Variants in CDH4 observed in about 807,000 individuals in gnomAD.
CDH4 encodes the protein cadherin-4.
A neutral mutation model predicts 86.0 loss-of-function variants in CDH4; 33 were observed. That is an observed-to-expected ratio of 0.38 (90% CI 0.29 to 0.51). CDH4 has a LOEUF of 0.51. CDH4 is among the 20% of genes least tolerant of loss of function. CDH4 has a pLI of 0.86. For synonymous variants in CDH4, 555 were observed against 549.4 expected (o/e 1.01, Z -0.14); for missense variants, 1,114 against 1,307.4 (o/e 0.85, Z 2.28).
intron 2 of CDH4, among the ~76,000 whole-genome samples, chr20:61,336,150 C>G (rs2084615882): frequency 6.6e-6 from 1 of 152,192 alleles, no homozygotes; most frequent in South Asian, 2.1e-4. Flanking sequence ...AGTGCCTTCT[C>G]TCCATTCCTG....
At chr20:61,432,996 G>A (rs927817222) in intron 2 of CDH4, among the ~76,000 whole-genome samples, 2 of 151,646 alleles carry the variant, frequency 1.3e-5, no homozygotes, top group East Asian at 1.9e-4. Context: ...GTGCCACCAC[G>A]CCTGGCTAAT....
At chr20:61,483,382 G>A (rs750147566) in intron 2 of CDH4, among the ~76,000 whole-genome samples, 1 of 152,160 alleles carries the variant, frequency 6.6e-6, no homozygotes, top group Non-Finnish European at 1.5e-5. Flanking sequence ...AACCATGGGA[G>A]TCATCAGTGT....
intron 2 of CDH4, among the ~76,000 whole-genome samples, chr20:61,333,152 CTAAT>C (rs1339127460): frequency 6.6e-6 from 1 of 152,114 alleles, no homozygotes; most frequent in Non-Finnish European, 1.5e-5. Context: ...TGTGGCAACT[CTAAT>C]AAAGAAAAGA....
intron 2 of CDH4, among the ~76,000 whole-genome samples, chr20:61,697,220 G>A (rs1388596810): frequency 2.0e-5 from 3 of 152,196 alleles, no homozygotes. Context: ...TGGAAAGGAT[G>A]GAAGATGCTG....
At position 61,677,691 on chromosome 20, in the gene CDH4, G is replaced by A. The variant is rs985498448; in HGVS notation, c.170-65872G>A. Among the ~76,000 whole-genome samples the A allele has an allele frequency of 5.9e-5, 9 of 151,388 alleles. 1 individual carries two copies. The highest frequency in any genetic ancestry group is 4.2e-4 in the South Asian group (2 of 4,766). On this transcript the variant is annotated intron_variant, in intron 2 of 15. Transcript: ENST00000614565. ...TGGGTGGGTGGACAGACGGACGGAC[G>A]GACAGACGGACGGATGGATGGATGA...
At chr20:61,472,827 G>C (rs1291491499) in intron 2 of CDH4, among the ~76,000 whole-genome samples, 2 of 152,010 alleles carry the variant, frequency 1.3e-5, no homozygotes, top group South Asian at 2.1e-4. Context: ...TTTTACACAG[G>C]CCTGCTTTTT....
At chr20:61,566,716 T>C (rs2145699869) in intron 2 of CDH4, among the ~76,000 whole-genome samples, 1 of 152,192 alleles carries the variant, frequency 6.6e-6, no homozygotes, top group Admixed American at 6.5e-5. Context: ...TTACCAGTCA[T>C]TGCTTGAGAG....
chr20:61,528,459 G>GGGAGGAGGGGA (rs2085928080), intron 2 of CDH4, among the ~76,000 whole-genome samples: 1 of 92,444 alleles, frequency 1.1e-5, no homozygotes. Context: ...GGTGGAGGGG[G>GGGAGGAGGGGA]AGAGGGAGGG....
intron 2 of CDH4, among the ~76,000 whole-genome samples, chr20:61,263,623 C>G (rs1279124967): frequency 6.6e-6 from 1 of 152,208 alleles, no homozygotes; most frequent in African/African-American, 2.4e-5. Flanking sequence ...GAGGAATTTA[C>G]TTAGATTACA....
rs546643694 is a variant in CDH4 at position 61,665,611 on chromosome 20, G to T, written c.170-77952G>T. Among the ~76,000 whole-genome samples the T allele has an allele frequency of 6.2e-4, 95 of 152,354 alleles. 1 individual carries two copies. Among genetic ancestry groups the T allele is most frequent in the African/African-American group, 2.2e-3 (90 of 41,596 alleles). On this transcript the variant is annotated intron_variant, in intron 2 of 15. Transcript: ENST00000614565. ...CACGTCCCAGGCGGAGGGGCCTGGA[G>T]CATCCACCAGCAGCGCTTTGTGATG...
intron 6 of CDH4, among the ~76,000 whole-genome samples, chr20:61,853,411 G>A (rs1982831916): frequency 6.6e-6 from 1 of 152,166 alleles, no homozygotes; most frequent in South Asian, 2.1e-4. Context: ...AAGCGAGAGA[G>A]GCCCGGACTC....
intron 8 of CDH4, among the ~76,000 whole-genome samples, chr20:61,907,506 T>TCGC (rs1466516212): frequency 1.8e-4 from 27 of 152,148 alleles, no homozygotes; most frequent in African/African-American, 6.3e-4. Context: ...ATGGCCTGAG[T>TCGC]CGCCCCTGCT....
chr20:61,761,423 G>A (rs1438354487), intron 3 of CDH4, among the ~76,000 whole-genome samples: 4 of 152,180 alleles, frequency 2.6e-5, no homozygotes, highest in Non-Finnish European at 5.9e-5. Flanking sequence ...TTCCCCAGAT[G>A]TTTCATTTCC....
At chr20:61,474,847 G>A (rs992336836) in intron 2 of CDH4, among the ~76,000 whole-genome samples, 11 of 152,132 alleles carry the variant, frequency 7.2e-5, no homozygotes, top group African/African-American at 2.7e-4. Flanking sequence ...TTTCTGCCTT[G>A]GATGAGATTT....
chr20:61,738,065 C>T (rs1337228759), intron 2 of CDH4, among the ~76,000 whole-genome samples: 1 of 152,184 alleles, frequency 6.6e-6, no homozygotes, highest in Admixed American at 6.5e-5. Context: ...CCTCCCCACC[C>T]TCTGGGGCCC....
At chr20:61,767,197 C>A in intron 3 of CDH4, among the ~76,000 whole-genome samples, 1 of 152,212 alleles carries the variant, frequency 6.6e-6, no homozygotes, top group Non-Finnish European at 1.5e-5. Context: ...CATGAGCATG[C>A]AGGAGACAGG....
intron 4 of CDH4, among the ~76,000 whole-genome samples, chr20:61,821,695 G>A (rs75911101): frequency 1.2e-4 from 18 of 152,342 alleles, no homozygotes; most frequent in East Asian, 3.9e-4. Flanking sequence ...AAGACCCTTG[G>A]GGGGGTCTAC....
chr20:61,291,727 C>A (rs1452224026), intron 2 of CDH4, among the ~76,000 whole-genome samples: 2 of 152,128 alleles, frequency 1.3e-5, no homozygotes, highest in East Asian at 3.8e-4. Context: ...CTCGGAGACT[C>A]GGTTTCCATT....
intron 2 of CDH4, among the ~76,000 whole-genome samples, chr20:61,644,805 T>C (rs1018338904): frequency 4.7e-4 from 47 of 100,232 alleles, no homozygotes; most frequent in Admixed American, 1.5e-3. Context: ...GGAACAGCAG[T>C]CCACAAGCTG....
Sources: gnomAD v4.1 joint callset for allele counts (sites outside exome capture counted in the v4.1 genomes callset) on GRCh38, gnomAD v4.1.1 for gene constraint, MANE v1.5 for transcripts, NCBI Gene and HGNC (gene_info 2026-07-23, HGNC 2026-07-21) for gene names.